Variants in KMO observed in about 807,000 individuals in gnomAD.
KMO encodes kynurenine 3-hydroxylase.
KMO carries 24 observed loss-of-function variants against 57.8 expected under a neutral mutation model. The ratio of observed to expected loss-of-function variants is 0.42; its 90% CI spans 0.30 to 0.58. The LOEUF (loss-of-function observed/expected upper bound fraction) is 0.58. KMO is among the 20% of genes least tolerant of loss of function. The pLI is 0.22. For missense variants in KMO, 483 were observed against 588.2 expected (o/e 0.82, Z 1.85); for synonymous variants, 210 against 193.6 (o/e 1.08, Z -0.70).
intron 10 of KMO, among the ~76,000 whole-genome samples, chr1:241,582,795 C>T (rs1662802212): frequency 6.6e-6 from 1 of 152,118 alleles, no homozygotes; most frequent in Non-Finnish European, 1.5e-5. Context: ...TTGGTAAGGT[C>T]ATGTTCCTTG....
At chr1:241,567,476 G>T (rs961227377) in intron 9 of KMO, among the ~76,000 whole-genome samples, 1 of 152,054 alleles carries the variant, frequency 6.6e-6, no homozygotes, top group Non-Finnish European at 1.5e-5. Context: ...CCACCCAAAG[G>T]CCCCATCTCC....
At chr1:241,552,315 T>C (rs1407661156) in intron 4 of KMO, among the ~76,000 whole-genome samples, 1 of 152,162 alleles carries the variant, frequency 6.6e-6, no homozygotes, top group Non-Finnish European at 1.5e-5. Context: ...CTGCTACTTC[T>C]CAATTCTTAA....
chr1:241,552,981 C>T (rs922309099), intron 4 of KMO, among the ~76,000 whole-genome samples: 6 of 152,132 alleles, frequency 3.9e-5, no homozygotes, highest in Non-Finnish European at 5.9e-5. Context: ...AGAGAAATGG[C>T]TCCCCCTTAG....
intron 10 of KMO, among the ~76,000 whole-genome samples, chr1:241,578,114 A>G (rs949607081): frequency 6.6e-6 from 1 of 152,134 alleles, no homozygotes; most frequent in Admixed American, 6.5e-5. Context: ...AGTCACCCTG[A>G]AGTGTTCCTG....
Position 241,568,514 on chromosome 1 carries a change from A to G in KMO, c.824A>G (p.Gln275Arg), listed in dbSNP as rs1662161547. 3 of 1,613,718 alleles carry G rather than the reference A, an allele frequency of 1.9e-6. No individual in the cohort carries two copies. Among genetic ancestry groups the G allele is most frequent in the Admixed American group, 3.3e-5 (2 of 59,980 alleles). ...TTCCTTTGAAGGAAACTCCTAGTGC[A>G]AGATTTCTTCCTGTTGCCTGCCCAG... is the stretch of plus-strand genomic sequence containing the variant. ...IPLIGEKLLV[Q>R]DFFLLPAQPM... The change falls in exon 10 of 15, where the codon CAA (glutamine) becomes CGA (arginine). Residue 275 changes from glutamine to arginine, a missense_variant. By Grantham distance (43) the Gln-to-Arg change is conservative. Coordinates refer to ENST00000366559, the MANE Select transcript of KMO (RefSeq NM_003679.5).
intron 11 of KMO, among the ~76,000 whole-genome samples, chr1:241,587,927 A>G (rs1663072184): frequency 6.6e-6 from 1 of 152,132 alleles, no homozygotes; most frequent in Non-Finnish European, 1.5e-5. Context: ...CAGCCTAAGA[A>G]CTGGATAACC....
At chr1:241,588,700 G>C in intron 11 of KMO, 48 bp from the exon 12 acceptor site, 1 of 1,381,770 alleles carries the variant, frequency 7.2e-7, no homozygotes. Context: ...GTAGAGTTCA[G>C]CACATTTTTA....
At position 241,594,724 on chromosome 1, in the gene KMO, G is replaced by T. The variant is rs1463216707; in HGVS notation, c.*2571G>T. 1 of 1,598,130 alleles carries T rather than the reference G, an allele frequency of 6.3e-7. No individual in the cohort carries two copies. Among genetic ancestry groups the T allele is most frequent in the Non-Finnish European group, 8.5e-7 (1 of 1,172,656 alleles). ...GAGAAAAAATAAAGTGGAATATTAA[G>T]TAAAAGTTGGGCACTAATCTGGATT... is the stretch of plus-strand genomic sequence containing the variant. On this transcript the variant is annotated 3_prime_UTR_variant, in exon 15 of 15. Coordinates refer to ENST00000366559, the MANE Select transcript of KMO (RefSeq NM_003679.5).
At chr1:241,589,959 G>A in intron 12 of KMO, 53 bp from the exon 13 acceptor site, 1 of 1,315,450 alleles carries the variant, frequency 7.6e-7, no homozygotes, top group Non-Finnish European at 1.1e-6. Flanking sequence ...AAGTCGCAGT[G>A]AGAAATAGCT....
At position 241,563,845 on chromosome 1, in the gene KMO, T is replaced by C. The variant is rs141997137; in HGVS notation, c.616-1142T>C. 3.8e-3 allele frequency among the ~76,000 whole-genome samples: 585 copies of C among 152,306 alleles called. 3 individuals are homozygous for C. Among genetic ancestry groups the C allele is most frequent in the African/African-American group, 0.013 (541 of 41,566 alleles). On this transcript the variant is annotated intron_variant, in intron 7 of 14. Coordinates refer to ENST00000366559, the MANE Select transcript of KMO (RefSeq NM_003679.5). ...GAGACTTTCTCTATTTTTCTTTGTG[T>C]CTTTTTTTTCTTTTGTTCTTCATGT...
At chr1:241,580,143 A>C (rs887996331) in intron 10 of KMO, among the ~76,000 whole-genome samples, 1 of 152,124 alleles carries the variant, frequency 6.6e-6, no homozygotes, top group African/African-American at 2.4e-5. Context: ...CATGGCTTAT[A>C]GTATAGGTTG....
At chr1:241,550,313 A>G (rs1168572234) in intron 3 of KMO, among the ~76,000 whole-genome samples, 1 of 152,190 alleles carries the variant, frequency 6.6e-6, no homozygotes, top group Non-Finnish European at 1.5e-5. Context: ...GTACTACACT[A>G]CTTTCTAAAA....
chr1:241,581,364 A>G (rs951206672), intron 10 of KMO, among the ~76,000 whole-genome samples: 1 of 152,072 alleles, frequency 6.6e-6, no homozygotes, highest in Non-Finnish European at 1.5e-5. Context: ...CTGCTGCCAT[A>G]CAGTTACTTC....
intron 1 of KMO, among the ~76,000 whole-genome samples, chr1:241,548,122 C>T (rs1031187668): frequency 1.4e-4 from 22 of 151,746 alleles, no homozygotes; most frequent in Non-Finnish European, 2.6e-4. Flanking sequence ...GTGATTCTAA[C>T]TATAGGGTTT....
chr1:241,583,078 A>C (rs966627377), intron 10 of KMO, among the ~76,000 whole-genome samples: 8 of 152,166 alleles, frequency 5.3e-5, no homozygotes, highest in African/African-American at 1.9e-4. Flanking sequence ...CATTGTCCTA[A>C]AGGGAGAATT....
chr1:241,532,603 G>T, intron 1 of KMO, 105 bp downstream of exon 1: 1 of 814,092 alleles, frequency 1.2e-6, no homozygotes, highest in Non-Finnish European at 2.0e-6. Flanking sequence ...ATTTTCTTGT[G>T]AAAACTCTGA....
At position 241,536,549 on chromosome 1, in the gene KMO, G is replaced by A. The variant is rs1293661119; in HGVS notation, c.54+4051G>A. The A allele has an allele frequency of 3.1e-6, 3 of 982,336 alleles. No individual in the cohort carries two copies. The African/African-American group carries it at 5.2e-5, about 17-fold the overall frequency. 60.9% of individuals were successfully genotyped at this position (982,336 alleles called of 1,614,324 possible). A position where few individuals can be genotyped will look rare whatever the true frequency, so the allele number is the denominator to read the frequency against. On this transcript the variant is annotated intron_variant, in intron 1 of 14. Coordinates refer to ENST00000366559, the MANE Select transcript of KMO (RefSeq NM_003679.5). ...CTACTCAAGACACCATTTTTTGACT[G>A]AAGCCAAGAGCCTTGGTAAGAGGGC...
In KMO at chr1:241,594,429, T is replaced by C; in HGVS notation, c.*2276T>C. On this transcript the variant is annotated 3_prime_UTR_variant, in exon 15 of 15. Coordinates refer to ENST00000366559, the MANE Select transcript of KMO (RefSeq NM_003679.5). ...ATCTTTCGTTGCCATTCTTCATTCC[T>C]ACAAAGGACGAACTTGGATTACATC... The C allele has an allele frequency of 6.2e-7, 1 of 1,610,700 alleles. No individual in the cohort carries two copies. The highest frequency in any genetic ancestry group is 8.5e-7 in the Non-Finnish European group (1 of 1,177,336).
At chr1:241,546,043 T>G (rs1661136426) in intron 1 of KMO, among the ~76,000 whole-genome samples, 1 of 152,058 alleles carries the variant, frequency 6.6e-6, no homozygotes. Context: ...GGATTTATGT[T>G]TGTTTCTGTT....
Sources: gnomAD v4.1 joint callset for allele counts (sites outside exome capture counted in the v4.1 genomes callset) on GRCh38, gnomAD v4.1.1 for gene constraint, MANE v1.5 for transcripts, NCBI Gene and HGNC (gene_info 2026-07-23, HGNC 2026-07-21) for gene names.